Variants in PSD3 observed in about 807,000 individuals in gnomAD.
The protein encoded by PSD3 is PH and SEC7 domain-containing protein 3.
A neutral mutation model predicts 105.5 loss-of-function variants in PSD3; 49 were observed. The ratio of observed to expected loss-of-function variants is 0.46; its 90% confidence interval spans 0.37 to 0.59. The LOEUF is 0.59. PSD3 is among the 20% of genes least tolerant of loss of function. The pLI, the probability that PSD3 is intolerant of heterozygous loss-of-function variation, is 0.00. For synonymous variants in PSD3, 557 were observed against 457.8 expected, an observed-to-expected ratio of 1.22 and a Z score of -2.77; for missense variants, 1,561 against 1,263.8, an observed-to-expected ratio of 1.24 and a Z score of -3.57.
intron 1 of PSD3, among the ~76,000 whole-genome samples, chr8:18,968,590 G>C (rs1238163521): frequency 2.0e-5 from 3 of 152,056 alleles, no homozygotes; most frequent in African/African-American, 7.2e-5. Context: ...AAATGTTGTG[G>C]CCTGGGCCAG....
intron 8 of PSD3, among the ~76,000 whole-genome samples, chr8:18,768,359 T>C (rs1807208677): frequency 6.6e-6 from 1 of 152,044 alleles, no homozygotes; most frequent in Non-Finnish European, 1.5e-5. Context: ...AATCCCACAC[T>C]GCCTGGGAGG....
chr8:18,818,030 T>G (rs1170522423), intron 4 of PSD3, among the ~76,000 whole-genome samples: 1 of 152,212 alleles, frequency 6.6e-6, no homozygotes, highest in East Asian at 1.9e-4. Flanking sequence ...CTCGGCTCAC[T>G]GCAACCTCTG....
intron 2 of PSD3, among the ~76,000 whole-genome samples, chr8:18,904,885 G>C (rs2129461937): frequency 6.6e-6 from 1 of 152,266 alleles, no homozygotes; most frequent in Middle Eastern, 3.4e-3. Flanking sequence ...TTTAGCCCAA[G>C]GGCCATAGTT....
intron 9 of PSD3, among the ~76,000 whole-genome samples, chr8:18,755,961 C>T (rs1563229317): frequency 2.0e-5 from 3 of 152,126 alleles, no homozygotes. Flanking sequence ...CGGAAACACG[C>T]CACGCACCTT....
intron 9 of PSD3, among the ~76,000 whole-genome samples, chr8:18,658,396 G>A (rs942824422): frequency 1.3e-5 from 2 of 152,064 alleles, no homozygotes; most frequent in East Asian, 3.8e-4. Flanking sequence ...TCTCTAACCT[G>A]GCAGTCATTA....
rs951427523 is a variant in PSD3, at chr8:18,813,961, A to C, written c.1635-9063T>G. Among the ~76,000 whole-genome samples, 4 of 152,226 alleles carry C rather than the reference A, an allele frequency of 2.6e-5. No homozygotes were observed. In the East Asian group the frequency reaches 7.7e-4, roughly 29 times the overall value. On this transcript the variant is annotated intron_variant, in intron 4 of 15. Coordinates refer to ENST00000327040, the MANE Select transcript of PSD3 (RefSeq NM_015310.4). ...CATTAAGGTTATGATGACGTGAGAT[A>C]ATACATGACAGCACTTTATTAAATA...
At chr8:18,972,383 C>T (rs1427187707) in intron 1 of PSD3, among the ~76,000 whole-genome samples, 5 of 152,202 alleles carry the variant, frequency 3.3e-5, no homozygotes, top group African/African-American at 1.2e-4. Context: ...GAATAACAAA[C>T]AGACAGATGT....
upstream of PSD3, chr8:19,014,583 G>C (rs1407819016): frequency 7.2e-5 from 11 of 152,436 alleles, no homozygotes; most frequent in Non-Finnish European, 1.5e-4. The surrounding 1 kb of genome is among the most constrained non-coding windows in gnomAD (Gnocchi z 4.9). Context: ...CAAGCACCTG[G>C]AGGCGGAACC....
At position 18,732,363 on chromosome 8, in the gene PSD3, T is replaced by C. The variant is rs564675331; in HGVS notation, c.2172+33086A>G. 7.1e-4 allele frequency among the ~76,000 whole-genome samples: 108 copies of C among 152,348 alleles called. 1 individual carries two copies. Among genetic ancestry groups the C allele is most frequent in the Non-Finnish European group, 1.5e-3 (99 of 68,034 alleles). On this transcript the variant is annotated intron_variant, in intron 9 of 15. Coordinates refer to ENST00000327040, the MANE Select transcript of PSD3 (RefSeq NM_015310.4). ...CTACAAATCCTGTCTCAGTAATCTATTGCTCTGTAACAAGCTACCCCAAAA... is the reference window on the plus strand; with the variant it reads ...CTACAAATCCTGTCTCAGTAATCTACTGCTCTGTAACAAGCTACCCCAAAA...
chr8:19,071,117 T>G (rs1333956065), intron 1 of PSD3, among the ~76,000 whole-genome samples: 2 of 151,824 alleles, frequency 1.3e-5, no homozygotes. Context: ...TGGAGAGCAA[T>G]GGTGCAATCT....
intron 9 of PSD3, among the ~76,000 whole-genome samples, chr8:18,673,082 C>T (rs1284177108): frequency 6.6e-6 from 1 of 152,062 alleles, no homozygotes; most frequent in Non-Finnish European, 1.5e-5. Context: ...TCTTGCTGCT[C>T]AAAAGTCACC....
intron 9 of PSD3, among the ~76,000 whole-genome samples, chr8:18,660,235 A>G (rs1226938516): frequency 6.6e-6 from 1 of 152,136 alleles, no homozygotes; most frequent in Non-Finnish European, 1.5e-5. Flanking sequence ...GAAGAGGAAT[A>G]TGGAAATTAG....
chr8:18,610,054 T>A (rs1297258449), intron 11 of PSD3, among the ~76,000 whole-genome samples: 1 of 152,236 alleles, frequency 6.6e-6, no homozygotes, highest in Non-Finnish European at 1.5e-5. Flanking sequence ...ATCACTTATC[T>A]TTGAAACACT....
chr8:18,579,809 G>T (rs1802691856), intron 12 of PSD3, among the ~76,000 whole-genome samples: 1 of 152,002 alleles, frequency 6.6e-6, no homozygotes, highest in Non-Finnish European at 1.5e-5. Context: ...GCATATTAAA[G>T]ACTCCAGTTT....
intron 2 of PSD3, among the ~76,000 whole-genome samples, chr8:18,925,078 TAAG>T (rs1821279131): frequency 6.6e-6 from 1 of 152,146 alleles, no homozygotes; most frequent in South Asian, 2.1e-4. Context: ...GTCATACAAT[TAAG>T]AAGGGGCTTG....
intron 1 of PSD3, among the ~76,000 whole-genome samples, chr8:19,065,316 A>G (rs780117764): frequency 2.0e-5 from 3 of 152,132 alleles, no homozygotes; most frequent in Non-Finnish European, 4.4e-5. Context: ...CTTTCTCTCC[A>G]TCACCAAGTA....
At chr8:18,616,628 C>CTTTTCTTT (rs778581836) in intron 11 of PSD3, among the ~76,000 whole-genome samples, 126 of 126,808 alleles carry the variant, frequency 9.9e-4, no homozygotes, top group Admixed American at 1.7e-3. Context: ...CTTTTCTTTT[C>CTTTTCTTT]TTTTTTTTTT....
intron 1 of PSD3, among the ~76,000 whole-genome samples, chr8:19,007,399 T>G (rs1026814718): frequency 1.9e-4 from 29 of 152,094 alleles, no homozygotes; most frequent in African/African-American, 7.0e-4. Context: ...TAAATAAAAT[T>G]TAAAATTCAG....
intron 9 of PSD3, among the ~76,000 whole-genome samples, chr8:18,744,870 G>A (rs1585807434): frequency 6.6e-6 from 1 of 152,146 alleles, no homozygotes; most frequent in South Asian, 2.1e-4. Flanking sequence ...TCCTCCATTT[G>A]GTGACAGTTC....
Sources: gnomAD v4.1 joint callset for allele counts (sites outside exome capture counted in the v4.1 genomes callset) on GRCh38, gnomAD v4.1.1 for gene constraint, Gnocchi (gnomAD v3.1) non-coding constraint, MANE v1.5 for transcripts, NCBI Gene and HGNC (gene_info 2026-07-23, HGNC 2026-07-21) for gene names.